CPSF7: variants seen among roughly 807,000 people sequenced by gnomAD.
CPSF7 encodes cleavage and polyadenylation specific factor 7, also known as cleavage and polyadenylation specificity factor subunit 7.
CPSF7 carries 1 observed loss-of-function variant against 44.3 expected under a neutral mutation model. The ratio of observed to expected loss-of-function variants is 0.02; its 90% CI spans 0.01 to 0.11. The LOEUF (loss-of-function observed/expected upper bound fraction) is 0.11, where lower values mean the gene tolerates loss of function less well. Among genes scored for constraint, CPSF7 ranks in the 10% least tolerant of loss-of-function variants. The pLI, the probability that CPSF7 is intolerant of heterozygous loss-of-function variation, is 1.00. For synonymous variants in CPSF7, 202 were observed against 222.0 expected, an observed-to-expected ratio of 0.91 and a Z score of 0.80; for missense variants, 443 against 607.2, an observed-to-expected ratio of 0.73 and a Z score of 2.84.
chr11:61,414,570 T>C (rs1475226940), intron 7 of CPSF7, among the ~76,000 whole-genome samples: 1 of 152,196 alleles, frequency 6.6e-6, no homozygotes. Flanking sequence ...GATGCAAAGA[T>C]GAAAACTGAT....
chr11:61,404,449 G>C lies in CPSF7; in HGVS notation c.*261C>G, dbSNP rs1013424915. On this transcript the variant is annotated 3_prime_UTR_variant, in exon 10 of 10. Transcript: ENST00000439958. ...CTATGGAGACCAGGGGCCTGGACAT[G>C]TTTTCTTCCTGTCTGCCACCCCTCC... The C allele has an allele frequency of 6.6e-6, 1 of 152,480 alleles. No individual in the cohort carries two copies. Among genetic ancestry groups the C allele is most frequent in the East Asian group, 1.9e-4 (1 of 5,182 alleles). 9.4% of individuals were successfully genotyped at this position (152,480 alleles called of 1,614,324 possible).
chr11:61,417,905 A>G (rs1479221852), intron 5 of CPSF7, among the ~76,000 whole-genome samples: 1 of 152,222 alleles, frequency 6.6e-6, no homozygotes, highest in Non-Finnish European at 1.5e-5. Flanking sequence ...AGCATGACAG[A>G]GCAGAAAAAC....
Position 61,416,219 on chromosome 11 carries a change from GC to G in CPSF7, c.823del (p.Ala275ProfsTer28). 6.5e-7 allele frequency: 1 copy of G among 1,529,794 alleles called. No individual in the cohort carries two copies. The highest frequency in any genetic ancestry group is 8.8e-7 in the Non-Finnish European group (1 of 1,140,600). 94.8% of individuals were successfully genotyped at this position (1,529,794 alleles called of 1,614,324 possible). A position where few individuals can be genotyped will look rare whatever the true frequency, so the allele number is the denominator to read the frequency against. On this transcript the variant is annotated frameshift_variant, in exon 6 of 10. Transcript: ENST00000439958. ...PPHLAVPPPGAIPPALHLNPA... is the reference protein window; with the variant it reads ...PPHLAVPPPGXIPPALHLNPA... ...ATTGAGGTGAAGGGCAGGTGGGATG[GC>G]CCCAGGGGGAGGTACAGCAAGATGA...
At chr11:61,409,642 T>A (rs1859669557) in intron 9 of CPSF7, among the ~76,000 whole-genome samples, 1 of 146,460 alleles carries the variant, frequency 6.8e-6, no homozygotes, top group African/African-American at 2.5e-5. Flanking sequence ...CATATTAATT[T>A]TCAAAATCTT....
intron 2 of CPSF7, chr11:61,427,361 C>G (rs1385770297): frequency 6.6e-6 from 1 of 151,940 alleles, no homozygotes; most frequent in Non-Finnish European, 1.5e-5. Context: ...TTATTTAAAA[C>G]TAAAAAATTT....
At chr11:61,429,811 G>A (rs974289860) in intron 1 of CPSF7, 103 bp downstream of exon 1, 2 of 1,547,442 alleles carry the variant, frequency 1.3e-6, no homozygotes, top group Admixed American at 3.9e-5. Context: ...CCCTCCGCCC[G>A]CAGACTCCGG....
intron 1 of CPSF7, chr11:61,429,500 C>G (rs1861737608): frequency 5.7e-6 from 3 of 529,472 alleles, no homozygotes; most frequent in Admixed American, 4.1e-5. Context: ...GGGCCCGACC[C>G]GGGTAGCGCC....
intron 2 of CPSF7, among the ~76,000 whole-genome samples, chr11:61,427,803 A>G (rs929248023): frequency 2.0e-5 from 3 of 152,238 alleles, no homozygotes; most frequent in African/African-American, 7.2e-5. Context: ...AGGTCATTAC[A>G]TTATTCTGCT....
intron 2 of CPSF7, among the ~76,000 whole-genome samples, chr11:61,422,611 C>T (rs1404959493): frequency 6.6e-6 from 1 of 152,140 alleles, no homozygotes; most frequent in African/African-American, 2.4e-5. Context: ...CTACCATGCC[C>T]AGCCAATATT....
intron 5 of CPSF7, among the ~76,000 whole-genome samples, chr11:61,419,670 C>T (rs1860678114): frequency 6.6e-6 from 1 of 152,150 alleles, no homozygotes; most frequent in African/African-American, 2.4e-5. Flanking sequence ...GAAACAGGCC[C>T]TAAGTAGTAA....
intron 5 of CPSF7, among the ~76,000 whole-genome samples, chr11:61,419,327 C>T (rs578175264): frequency 2.5e-4 from 38 of 152,234 alleles, no homozygotes; most frequent in African/African-American, 8.9e-4. Context: ...CGGCCTGTAA[C>T]TTTCTTTACT....
intron 2 of CPSF7, among the ~76,000 whole-genome samples, chr11:61,425,538 C>T (rs1861267407): frequency 6.6e-6 from 1 of 152,150 alleles, no homozygotes; most frequent in African/African-American, 2.4e-5. Context: ...CAAAAGAGAA[C>T]ATGTGTGATT....
chr11:61,421,522 G>A lies in CPSF7; in HGVS notation c.141C>T (p.Ser47=), dbSNP rs1860880058. 6.2e-7 allele frequency: 1 copy of A among 1,614,138 alleles called. No homozygotes were observed. The change falls in exon 3 of 10, where the codon AGC becomes AGT. Residue 47 remains serine (S), a synonymous_variant. Coordinates refer to ENST00000439958, the MANE Select transcript of CPSF7 (RefSeq NM_001142565.3). ...ATSQPSDDRS[S]STEPPPPVRQ... is the part of the protein sequence containing the mutation. ...GAACAGGAGGAGGTGGTTCAGTGCT[G>A]CTGCTTCTGTCATCTGAGGGCTGTG...
chr11:61,429,265 G>A lies in CPSF7; in HGVS notation c.-30C>T, dbSNP rs748176763. ...CCGGAAGGAAGATCGCGAGTCCGGA[G>A]GATGGACAAAGTAAGGAAGATGCCA... On this transcript the variant is annotated 5_prime_UTR_variant, in exon 2 of 10. Coordinates refer to ENST00000439958, the MANE Select transcript of CPSF7 (RefSeq NM_001142565.3). 1.9e-6 allele frequency: 3 copies of A among 1,612,776 alleles called. No homozygotes were observed. Among genetic ancestry groups the A allele is most frequent in the Admixed American group, 1.7e-5 (1 of 60,004 alleles).
chr11:61,416,229 G>A lies in CPSF7; in HGVS notation c.814C>T (p.Pro272Ser), dbSNP rs372886483. The A allele has an allele frequency of 6.5e-7, 1 of 1,532,362 alleles. No individual in the cohort carries two copies. The highest frequency in any genetic ancestry group is 1.4e-5 in the African/African-American group (1 of 72,148). 94.9% of individuals were successfully genotyped at this position (1,532,362 alleles called of 1,614,324 possible). A position where few individuals can be genotyped will look rare whatever the true frequency, so the allele number is the denominator to read the frequency against. Residue 272 changes from proline (P) to serine (S), a missense_variant, in exon 6 of 10, where the codon CCC becomes TCC. By Grantham distance (74) the Pro-to-Ser change is moderately conservative. Transcript: ENST00000439958. ...AGGGCAGGTGGGATGGCCCCAGGGGGAGGTACAGCAAGATGAGGAGGTAAT... is the reference window on the plus strand; with the variant it reads ...AGGGCAGGTGGGATGGCCCCAGGGGAAGGTACAGCAAGATGAGGAGGTAAT... The part of the protein sequence containing the change: ...PRLPPHLAVP[P>S]PGAIPPALHL...
At chr11:61,418,042 G>GA (rs1029330131) in intron 5 of CPSF7, among the ~76,000 whole-genome samples, 17 of 152,198 alleles carry the variant, frequency 1.1e-4, no homozygotes, top group Admixed American at 1.1e-3. Flanking sequence ...GTGAATTACA[G>GA]AAAGACTCCA....
intron 9 of CPSF7, among the ~76,000 whole-genome samples, chr11:61,410,414 G>C (rs1265581680): frequency 2.0e-5 from 3 of 152,084 alleles, no homozygotes; most frequent in Non-Finnish European, 2.9e-5. Context: ...GTTGCAGCTT[G>C]AAAACTAAGT....
chr11:61,412,879 T>C (rs575276472), intron 7 of CPSF7, among the ~76,000 whole-genome samples: 5 of 152,214 alleles, frequency 3.3e-5, no homozygotes, highest in Non-Finnish European at 7.3e-5. Flanking sequence ...ATTATATAAA[T>C]TGTCATATGC....
intron 3 of CPSF7, chr11:61,420,887 A>G (rs566846309): frequency 2.9e-5 from 14 of 490,934 alleles, no homozygotes; most frequent in South Asian, 9.0e-5. Context: ...CTGTCAGGCT[A>G]GAGTTGACCA....
Sources: allele counts gnomAD v4.1 joint callset (sites outside exome capture counted in the v4.1 genomes callset), GRCh38; gene constraint gnomAD v4.1.1; transcripts MANE v1.5; gene names NCBI Gene and HGNC (gene_info 2026-07-23, HGNC 2026-07-21).